The following PRKN variants were observed in gnomAD, a reference collection of about 807,000 sequenced individuals.
PRKN encodes the protein E3 ubiquitin-protein ligase parkin.
Under a neutral mutation model 59.5 loss-of-function variants are expected in PRKN, and 56 were observed. That is an observed-to-expected ratio of 0.94 (90% CI 0.76 to 1.18). PRKN has a LOEUF of 1.18. PRKN is among the 50% of genes most tolerant of loss of function. PRKN has a pLI of 0.00. For missense variants in PRKN, 657 were observed against 596.4 expected, an observed-to-expected ratio of 1.10 and a Z score of -1.06; for synonymous variants, 250 against 222.1, an observed-to-expected ratio of 1.13 and a Z score of -1.12.
intron 6 of PRKN, among the ~76,000 whole-genome samples, chr6:161,790,183 A>ATT (rs1790582720): frequency 6.6e-6 from 1 of 152,216 alleles, no homozygotes; most frequent in Non-Finnish European, 1.5e-5. Context: ...ATTTAAAGAA[A>ATT]CGGGAGGATT....
Position 162,333,228 on chromosome 6 carries a change from CTT to C in PRKN, c.172-70465_172-70464del, listed in dbSNP as rs200926335. Among the ~76,000 whole-genome samples the C allele has an allele frequency of 2.7e-3, 372 of 137,854 alleles. 1 individual carries two copies. The highest frequency in any genetic ancestry group is 6.3e-3 in the African/African-American group (237 of 37,520). The allele number at this position is 137,854 out of a possible 152,430, so 90.4% of individuals were successfully genotyped here. On this transcript the variant is annotated intron_variant, in intron 2 of 11. Coordinates refer to ENST00000366898, the MANE Select transcript of PRKN (RefSeq NM_004562.3). Reference sequence around the variant, plus strand: ...AGCAAATAAAATGCCACATTAAAATCTTTTTTTTTTTTTTTTTGAAACAGGGT... The same window carrying C: ...AGCAAATAAAATGCCACATTAAAATCTTTTTTTTTTTTTTTGAAACAGGGT...
intron 6 of PRKN, among the ~76,000 whole-genome samples, chr6:161,917,973 T>C (rs184597208): frequency 5.6e-4 from 85 of 152,330 alleles, no homozygotes; most frequent in Non-Finnish European, 1.0e-3. Flanking sequence ...CTTTGATCTA[T>C]CCTTCACCAT....
intron 7 of PRKN, among the ~76,000 whole-genome samples, chr6:161,689,673 C>T (rs899568855): frequency 6.6e-6 from 1 of 152,066 alleles, no homozygotes; most frequent in Non-Finnish European, 1.5e-5. Flanking sequence ...AATCATTTAT[C>T]CGAGGGTTCT....
At chr6:162,589,216 TTCA>T (rs1201915151) in intron 1 of PRKN, among the ~76,000 whole-genome samples, 2 of 152,190 alleles carry the variant, frequency 1.3e-5, no homozygotes, top group Non-Finnish European at 2.9e-5. Flanking sequence ...CTTGAGATAG[TTCA>T]CATGGGGTCA....
In PRKN at chr6:161,399,024, A is replaced by G. The variant is rs1562420923; in HGVS notation, c.1084-12147T>C. 6.6e-6 allele frequency among the ~76,000 whole-genome samples: 1 copy of G among 152,144 alleles called. No homozygotes were observed. Among genetic ancestry groups the G allele is most frequent in the Non-Finnish European group, 1.5e-5 (1 of 68,032 alleles). Reference sequence around the variant, plus strand: ...CCTATCCTGTCCCTATATAAACTCCAAACCCCAGGCTCCATGAGCAGAAGA... The same window carrying G: ...CCTATCCTGTCCCTATATAAACTCCGAACCCCAGGCTCCATGAGCAGAAGA... On this transcript the variant is annotated intron_variant, in intron 9 of 11. Coordinates refer to ENST00000366898, the MANE Select transcript of PRKN (RefSeq NM_004562.3). The surrounding 1 kb of genome is among the most constrained non-coding windows in gnomAD (Gnocchi z 4.4).
intron 1 of PRKN, among the ~76,000 whole-genome samples, chr6:162,449,579 ATTAT>A (rs538788308): frequency 2.6e-5 from 4 of 151,814 alleles, no homozygotes; most frequent in East Asian, 1.9e-4. Flanking sequence ...TTTATATTTT[ATTAT>A]TTATTTTTAT....
intron 2 of PRKN, among the ~76,000 whole-genome samples, chr6:162,440,305 C>T (rs1789992645): frequency 6.6e-6 from 1 of 152,096 alleles, no homozygotes; most frequent in Non-Finnish European, 1.5e-5. Flanking sequence ...CTATTATAAT[C>T]TTACAAATAC....
chr6:162,455,312 T>C (rs115081440), intron 1 of PRKN, among the ~76,000 whole-genome samples: 2,943 of 152,286 alleles, frequency 0.019, 67 homozygotes, highest in African/African-American at 0.063. Context: ...TGTAGTATAG[T>C]TATGCGTTTT....
intron 2 of PRKN, among the ~76,000 whole-genome samples, chr6:162,308,674 A>C (rs1177418045): frequency 6.6e-6 from 1 of 152,140 alleles, no homozygotes; most frequent in Non-Finnish European, 1.5e-5. Flanking sequence ...ATACTAGAGT[A>C]CCCATCTGTT....
chr6:161,621,205 A>G (rs1782885352), intron 7 of PRKN, among the ~76,000 whole-genome samples: 1 of 152,128 alleles, frequency 6.6e-6, no homozygotes, highest in African/African-American at 2.4e-5. Flanking sequence ...CTTTAGGTAG[A>G]TAAAGATACA....
At chr6:161,558,562 C>CA (rs150088657) in intron 8 of PRKN, among the ~76,000 whole-genome samples, 1,282 of 118,818 alleles carry the variant, frequency 0.011, 13 homozygotes, top group African/African-American at 0.029. Flanking sequence ...GAGACTTTCT[C>CA]AAAAAAAAAA....
intron 4 of PRKN, among the ~76,000 whole-genome samples, chr6:162,198,537 T>C (rs1416100446): frequency 6.6e-6 from 1 of 150,612 alleles, no homozygotes; most frequent in African/African-American, 2.5e-5. Flanking sequence ...TCTAAATATT[T>C]ATGTTCTGGC....
chr6:162,466,696 C>A (rs1379529534), intron 1 of PRKN, among the ~76,000 whole-genome samples: 1 of 152,062 alleles, frequency 6.6e-6, no homozygotes, highest in Non-Finnish European at 1.5e-5. Context: ...GCATGAGCCA[C>A]CACATCCATT....
intron 1 of PRKN, among the ~76,000 whole-genome samples, chr6:162,540,783 G>A (rs1270398012): frequency 2.7e-5 from 4 of 146,536 alleles, no homozygotes; most frequent in Admixed American, 6.9e-5. Context: ...CTCCAGCCTG[G>A]GTGACAAGAG....
At chr6:161,671,988 A>AC (rs1784926258) in intron 7 of PRKN, among the ~76,000 whole-genome samples, 1 of 152,218 alleles carries the variant, frequency 6.6e-6, no homozygotes, top group African/African-American at 2.4e-5. Flanking sequence ...CATGAACTCG[A>AC]TAGAGTTCAC....
chr6:162,297,687 C>T (rs1035942008), intron 2 of PRKN, among the ~76,000 whole-genome samples: 1 of 152,018 alleles, frequency 6.6e-6, no homozygotes, highest in Non-Finnish European at 1.5e-5. Flanking sequence ...TTATTAAGTT[C>T]ACTTTCAGAA....
rs138360641 is a variant in PRKN, at chr6:161,386,935, C to T, written c.1084-58G>A. Reference sequence around the variant, plus strand: ...CATTAGGTTGCATTTGGCAATAACACATTTTTCCTTTTCCAAATTCATTAT... The same window carrying T: ...CATTAGGTTGCATTTGGCAATAACATATTTTTCCTTTTCCAAATTCATTAT... On this transcript the variant is annotated intron_variant, in intron 9 of 11. Coordinates refer to ENST00000366898, the MANE Select transcript of PRKN (RefSeq NM_004562.3). The surrounding 1 kb of genome is among the most constrained non-coding windows in gnomAD (Gnocchi z 4.3). 4 of 1,373,772 alleles carry T rather than the reference C, an allele frequency of 2.9e-6. No homozygotes were observed. Among genetic ancestry groups the T allele is most frequent in the Admixed American group, 1.7e-5 (1 of 59,694 alleles). 85.1% of individuals were successfully genotyped at this position (1,373,772 alleles called of 1,614,324 possible).
At chr6:161,692,957 A>G (rs1391546123) in intron 7 of PRKN, among the ~76,000 whole-genome samples, 2 of 151,676 alleles carry the variant, frequency 1.3e-5, no homozygotes, top group African/African-American at 4.8e-5. Context: ...CAAAAAAAAA[A>G]AAAAAAAAGA....
At chr6:162,422,707 G>A (rs1789032134) in intron 2 of PRKN, among the ~76,000 whole-genome samples, 1 of 152,158 alleles carries the variant, frequency 6.6e-6, no homozygotes, top group Non-Finnish European at 1.5e-5. Flanking sequence ...CACTCTGGGA[G>A]GCTGAGGCGG....
Sources: gnomAD v4.1 joint callset for allele counts (sites outside exome capture counted in the v4.1 genomes callset) on GRCh38, gnomAD v4.1.1 for gene constraint, Gnocchi (gnomAD v3.1) non-coding constraint, MANE v1.5 for transcripts, NCBI Gene and HGNC (gene_info 2026-07-23, HGNC 2026-07-21) for gene names.